LPIN2: variants seen among roughly 807,000 people sequenced by gnomAD.
The protein encoded by LPIN2 is phosphatidate phosphatase LPIN2.
In LPIN2, 55 loss-of-function variants were observed where a neutral mutation model predicts 111.4. That is an observed-to-expected ratio of 0.49 (90% confidence interval 0.40 to 0.62). The LOEUF is 0.62. Among genes scored for constraint, LPIN2 ranks in the 20% least tolerant of loss-of-function variants. The probability of loss-of-function intolerance (pLI) is 0.00; values close to 1 mark genes in which losing one functional copy is unlikely to be tolerated. For missense variants in LPIN2, 992 were observed against 1,112.1 expected, an observed-to-expected ratio of 0.89 and a Z score of 1.54; for synonymous variants, 425 against 414.0, an observed-to-expected ratio of 1.03 and a Z score of -0.32.
intron 1 of LPIN2, among the ~76,000 whole-genome samples, chr18:2,980,765 T>C (rs2078097866): frequency 6.6e-6 from 1 of 152,132 alleles, no homozygotes; most frequent in African/African-American, 2.4e-5. Context: ...TGCCGGGGGT[T>C]CTCTCTAACA....
intron 4 of LPIN2, among the ~76,000 whole-genome samples, chr18:2,949,904 G>C (rs552873465): frequency 6.6e-6 from 1 of 152,164 alleles, no homozygotes; most frequent in Non-Finnish European, 1.5e-5. Context: ...TTTGAGACCA[G>C]CCTGGGCAAC....
At chr18:2,946,520 T>G in intron 4 of LPIN2, 1 of 1,564,042 alleles carries the variant, frequency 6.4e-7, no homozygotes, top group Non-Finnish European at 8.8e-7. Context: ...GCTCCGGTTG[T>G]AGCACAGCAA....
At chr18:2,993,667 T>C (rs572012239) in intron 1 of LPIN2, among the ~76,000 whole-genome samples, 6 of 152,210 alleles carry the variant, frequency 3.9e-5, no homozygotes, top group Non-Finnish European at 8.8e-5. Context: ...AGCTTCTTCC[T>C]TCAGTCAAAA....
chr18:2,951,393 A>G, intron 3 of LPIN2, 37 bp from the exon 4 acceptor site: 1 of 1,544,564 alleles, frequency 6.5e-7, no homozygotes, highest in Non-Finnish European at 8.9e-7. Flanking sequence ...TATCCATGAC[A>G]AACTCGACAG....
intron 4 of LPIN2, 72 bp downstream of exon 4, chr18:2,950,983 A>C (rs568769390): frequency 1.3e-6 from 2 of 1,552,868 alleles, no homozygotes; most frequent in Admixed American, 1.7e-5. Flanking sequence ...ATCCATAAAA[A>C]AACTGGCAGC....
intron 1 of LPIN2, among the ~76,000 whole-genome samples, chr18:2,986,649 G>A (rs929706858): frequency 6.6e-6 from 1 of 151,928 alleles, no homozygotes. Flanking sequence ...GATGCTCAGT[G>A]TACACATCGC....
At chr18:2,920,480 G>A in intron 19 of LPIN2, 43 bp from the exon 20 acceptor site, 2 of 1,610,898 alleles carry the variant, frequency 1.2e-6, no homozygotes, top group Non-Finnish European at 1.7e-6. Flanking sequence ...ATTACTTCAA[G>A]ATCGGTCAAA....
At chr18:2,977,763 A>G (rs1217604853) in intron 1 of LPIN2, among the ~76,000 whole-genome samples, 3 of 152,278 alleles carry the variant, frequency 2.0e-5, no homozygotes, top group African/African-American at 7.2e-5. Flanking sequence ...TATATAAGTG[A>G]GAAATGACAG....
chr18:2,949,867 G>A (rs566873407), intron 4 of LPIN2, among the ~76,000 whole-genome samples: 114 of 152,306 alleles, frequency 7.5e-4, no homozygotes, highest in African/African-American at 2.5e-3. Flanking sequence ...GGGAGGCTGA[G>A]GCGGGAGAGT....
chr18:2,940,262 G>A (rs967469083), intron 5 of LPIN2, among the ~76,000 whole-genome samples: 2 of 152,220 alleles, frequency 1.3e-5, no homozygotes, highest in African/African-American at 4.8e-5. Context: ...AGGGGTTTAA[G>A]GCTGCAGTGA....
intron 1 of LPIN2, among the ~76,000 whole-genome samples, chr18:2,961,796 T>C (rs2077718275): frequency 6.6e-6 from 1 of 152,088 alleles, no homozygotes; most frequent in African/African-American, 2.4e-5. Context: ...CACAATTCAG[T>C]GAAAGCCATT....
intron 1 of LPIN2, chr18:2,967,492 CA>C (rs2077826266): frequency 1.3e-5 from 2 of 152,256 alleles, no homozygotes; most frequent in African/African-American, 4.8e-5. Flanking sequence ...TCAGGGAGGG[CA>C]GGGGGTGACA....
chr18:2,997,991 G>C (rs1172349638), intron 1 of LPIN2, among the ~76,000 whole-genome samples: 1 of 152,246 alleles, frequency 6.6e-6, no homozygotes, highest in African/African-American at 2.4e-5. Context: ...TCCAGTGCCA[G>C]GCAGCTCCAG....
chr18:3,005,805 T>C (rs1272977223), intron 1 of LPIN2, among the ~76,000 whole-genome samples: 2 of 152,144 alleles, frequency 1.3e-5, no homozygotes, highest in East Asian at 1.9e-4. Context: ...ACGGGAAGAC[T>C]GCTTGGGCCC....
intron 4 of LPIN2, chr18:2,945,767 T>C (rs1598552002): frequency 8.1e-7 from 1 of 1,231,060 alleles, no homozygotes; most frequent in Non-Finnish European, 1.2e-6. Context: ...ATGTGCTATT[T>C]GCTTCTACTC....
chr18:2,940,499 G>A, intron 5 of LPIN2, 106 bp downstream of exon 5: 1 of 698,872 alleles, frequency 1.4e-6, no homozygotes, highest in East Asian at 2.5e-5. Context: ...CAGTTCCTTG[G>A]CTGTGTGAGA....
chr18:2,984,633 G>T (rs2078161171), intron 1 of LPIN2, among the ~76,000 whole-genome samples: 2 of 152,020 alleles, frequency 1.3e-5, no homozygotes, highest in Non-Finnish European at 2.9e-5. Flanking sequence ...TAGAAGAGAT[G>T]AGAAAATATT....
chr18:2,993,532 T>A (rs926678034), intron 1 of LPIN2, among the ~76,000 whole-genome samples: 3 of 152,238 alleles, frequency 2.0e-5, no homozygotes, highest in Non-Finnish European at 4.4e-5. Flanking sequence ...TCAACTCTAC[T>A]AAGTAGAAAG....
intron 18 of LPIN2, chr18:2,921,108 C>G: frequency 1.7e-6 from 1 of 604,078 alleles, no homozygotes. Context: ...GCCAGGGTCC[C>G]TGGCGCAGAA....
Sources: allele counts gnomAD v4.1 joint callset (sites outside exome capture counted in the v4.1 genomes callset), GRCh38; gene constraint gnomAD v4.1.1; transcripts MANE v1.5; gene names NCBI Gene and HGNC (gene_info 2026-07-23, HGNC 2026-07-21).